Variants in DIS3L2 observed in about 807,000 individuals in gnomAD.
The protein encoded by DIS3L2 is DIS3 like 3'-5' exoribonuclease 2.
DIS3L2 carries 34 observed loss-of-function variants against 97.5 expected under a neutral mutation model. The observed-to-expected ratio is 0.35, with a 90% CI of 0.27 to 0.46. The LOEUF (loss-of-function observed/expected upper bound fraction) is 0.46. Among genes scored for constraint, DIS3L2 ranks in the 20% least tolerant of loss-of-function variants. DIS3L2 has a pLI of 1.00. For synonymous variants in DIS3L2, 435 were observed against 445.2 expected, an observed-to-expected ratio of 0.98 and a Z score of 0.29; for missense variants, 1,038 against 1,146.0, an observed-to-expected ratio of 0.91 and a Z score of 1.36.
chr2:232,124,853 G>C (rs1275966355), intron 6 of DIS3L2, among the ~76,000 whole-genome samples: 3 of 152,214 alleles, frequency 2.0e-5, no homozygotes, highest in Non-Finnish European at 2.9e-5. Context: ...AGGAGCACTA[G>C]ACTGACCAGG....
At chr2:231,982,998 T>C (rs551426229) in intron 1 of DIS3L2, among the ~76,000 whole-genome samples, 1 of 152,164 alleles carries the variant, frequency 6.6e-6, no homozygotes, top group Non-Finnish European at 1.5e-5. Flanking sequence ...CTTTTAAAGA[T>C]AATTTTTGGT....
At position 232,037,183 on chromosome 2, in the gene DIS3L2, A is replaced by G. The variant is rs1574829373; in HGVS notation, c.366+7103A>G. Among the ~76,000 whole-genome samples the G allele has an allele frequency of 6.6e-6, 1 of 152,058 alleles. No individual in the cohort carries two copies. The highest frequency in any genetic ancestry group is 2.4e-5 in the African/African-American group (1 of 41,410). On this transcript the variant is annotated intron_variant, in intron 5 of 20. Coordinates refer to ENST00000325385, the MANE Select transcript of DIS3L2 (RefSeq NM_152383.5). This position sits in a 1 kb window ranked among gnomAD's most constrained non-coding sequence, Gnocchi z 4.6. ...TCTGTCCCAGGGAGATGGGAGTTTT[A>G]CCTATAAGCCCCTGACTGGGGCTGC...
At chr2:232,123,992 A>G (rs1697982019) in intron 6 of DIS3L2, among the ~76,000 whole-genome samples, 1 of 152,210 alleles carries the variant, frequency 6.6e-6, no homozygotes, top group Non-Finnish European at 1.5e-5. Flanking sequence ...TTCTTTCAAA[A>G]GAAAGGTTTC....
intron 6 of DIS3L2, among the ~76,000 whole-genome samples, chr2:232,095,217 G>A (rs554960920): frequency 5.9e-5 from 9 of 152,200 alleles, no homozygotes; most frequent in African/African-American, 2.2e-4. Context: ...TGGTTGTTTT[G>A]TGGTCTTCTC....
intron 1 of DIS3L2, among the ~76,000 whole-genome samples, chr2:231,983,028 A>G (rs1010256135): frequency 2.0e-5 from 3 of 152,024 alleles, no homozygotes; most frequent in African/African-American, 7.3e-5. Flanking sequence ...TGAAAACTAG[A>G]TTGAAAGACA....
rs533169094 is a variant in DIS3L2 at position 232,254,863 on chromosome 2, C to T, written c.1425+5517C>T. Reference sequence around the variant, plus strand: ...GGCCTCAGTGCAAACCAAGCCAGATCGGAAGTAATGAGAGTTTGGACTAGA... The same window carrying T: ...GGCCTCAGTGCAAACCAAGCCAGATTGGAAGTAATGAGAGTTTGGACTAGA... On this transcript the variant is annotated intron_variant, in intron 12 of 20. Transcript: ENST00000325385. 6.6e-5 allele frequency among the ~76,000 whole-genome samples: 10 copies of T among 152,262 alleles called. No homozygotes were observed. The South Asian group carries it at 1.5e-3, about 22-fold the overall frequency.
chr2:232,098,644 C>G (rs765780541), intron 6 of DIS3L2, among the ~76,000 whole-genome samples: 35 of 152,084 alleles, frequency 2.3e-4, no homozygotes, highest in Non-Finnish European at 4.0e-4. Flanking sequence ...GTGAGTCACC[C>G]CACCCAGCCT....
intron 5 of DIS3L2, among the ~76,000 whole-genome samples, chr2:232,077,640 T>C (rs1304749301): frequency 6.6e-6 from 1 of 152,212 alleles, no homozygotes. Flanking sequence ...CTCCCACTAA[T>C]CTGTTTCTGT....
At chr2:232,086,080 AGT>A (rs1268955115) in intron 5 of DIS3L2, among the ~76,000 whole-genome samples, 1 of 152,046 alleles carries the variant, frequency 6.6e-6, no homozygotes, top group East Asian at 1.9e-4. Flanking sequence ...TACAGGTGTG[AGT>A]CACTGTGCCT....
intron 10 of DIS3L2, among the ~76,000 whole-genome samples, chr2:232,236,181 A>G (rs2106249467): frequency 6.6e-6 from 1 of 152,244 alleles, no homozygotes; most frequent in East Asian, 1.9e-4. Context: ...CCTTTTTTCA[A>G]GCATCCCACG....
At chr2:232,167,031 T>G (rs1286927556) in intron 9 of DIS3L2, among the ~76,000 whole-genome samples, 1 of 152,144 alleles carries the variant, frequency 6.6e-6, no homozygotes, top group Non-Finnish European at 1.5e-5. Flanking sequence ...AAAAATTACT[T>G]TAACCTTAAA....
At chr2:232,082,614 A>G (rs115469075) in intron 5 of DIS3L2, among the ~76,000 whole-genome samples, 525 of 152,304 alleles carry the variant, frequency 3.4e-3, no homozygotes, top group African/African-American at 0.012. Context: ...CTTCCACAAA[A>G]CCAGTCCCTG....
At chr2:232,012,836 G>A (rs1694245733) in intron 1 of DIS3L2, among the ~76,000 whole-genome samples, 2 of 152,214 alleles carry the variant, frequency 1.3e-5, no homozygotes, top group African/African-American at 4.8e-5. Context: ...CTTGTCCTAT[G>A]CCCTCCTCTG....
chr2:232,324,686 G>A (rs1487939709), intron 14 of DIS3L2, among the ~76,000 whole-genome samples: 2 of 152,182 alleles, frequency 1.3e-5, no homozygotes, highest in Non-Finnish European at 2.9e-5. Context: ...TTCTAGAAAT[G>A]TTGCTTTTAC....
intron 9 of DIS3L2, among the ~76,000 whole-genome samples, chr2:232,181,851 C>G (rs139171567): frequency 3.2e-4 from 49 of 152,164 alleles, no homozygotes; most frequent in Non-Finnish European, 6.5e-4. Context: ...GGGGTTTCAC[C>G]ATGTTGGCCA....
intron 5 of DIS3L2, among the ~76,000 whole-genome samples, chr2:232,071,636 T>C (rs1268987445): frequency 6.6e-6 from 1 of 152,110 alleles, no homozygotes; most frequent in Non-Finnish European, 1.5e-5. Context: ...CAGATAAGAT[T>C]AAAATAACTG....
intron 9 of DIS3L2, among the ~76,000 whole-genome samples, chr2:232,182,504 A>G (rs1270876961): frequency 6.6e-6 from 1 of 152,050 alleles, no homozygotes; most frequent in African/African-American, 2.4e-5. Flanking sequence ...TATCTCTGTT[A>G]CTGGATGTTG....
chr2:232,059,738 GT>G (rs1289149409), intron 5 of DIS3L2, among the ~76,000 whole-genome samples: 1 of 152,038 alleles, frequency 6.6e-6, no homozygotes, highest in Non-Finnish European at 1.5e-5. Flanking sequence ...GTGGTATTTG[GT>G]TTTTTGTTCC....
At chr2:232,003,508 A>G (rs1306252724) in intron 1 of DIS3L2, among the ~76,000 whole-genome samples, 2 of 152,242 alleles carry the variant, frequency 1.3e-5, no homozygotes, top group African/African-American at 2.4e-5. Context: ...AACTTTACTC[A>G]TGTATAATTT....
Sources: gnomAD v4.1 joint callset for allele counts (sites outside exome capture counted in the v4.1 genomes callset) on GRCh38, gnomAD v4.1.1 for gene constraint, Gnocchi (gnomAD v3.1) non-coding constraint, MANE v1.5 for transcripts, NCBI Gene and HGNC (gene_info 2026-07-23, HGNC 2026-07-21) for gene names.